SON: variants seen among roughly 807,000 people sequenced by gnomAD.
SON encodes the protein SON DNA and RNA binding protein, also known as protein SON.
Under a neutral mutation model 173.3 loss-of-function variants are expected in SON, and 4 were observed. That is an observed-to-expected ratio of 0.02 (90% CI 0.01 to 0.05). SON has a LOEUF of 0.05. SON is among the 10% of genes least tolerant of loss of function. The pLI is 1.00. For missense variants in SON, 2,626 were observed against 3,055.3 expected (o/e 0.86, Z 3.31); for synonymous variants, 1,190 against 1,105.9 (o/e 1.08, Z -1.51).
chr21:33,549,427 A>C, intron 2 of SON, 49 bp from the exon 3 acceptor site: 1 of 1,438,520 alleles, frequency 7.0e-7, no homozygotes, highest in African/African-American at 1.4e-5. Flanking sequence ...GATTTAATCT[A>C]ACTCTACTTT....
At chr21:33,568,638 C>T (rs2086221425) in intron 7 of SON, among the ~76,000 whole-genome samples, 1 of 152,142 alleles carries the variant, frequency 6.6e-6, no homozygotes, top group Non-Finnish European at 1.5e-5. Context: ...TATTACAATA[C>T]ATTTGTATGA....
Position 33,553,607 on chromosome 21 carries a change from A to T in SON, c.4376A>T (p.Gln1459Leu). The T allele has an allele frequency of 6.2e-7, 1 of 1,613,992 alleles. No individual in the cohort carries two copies. Among genetic ancestry groups the T allele is most frequent in the Non-Finnish European group, 8.5e-7 (1 of 1,179,912 alleles). Residue 1459 changes from glutamine (Q) to leucine (L), a missense_variant, in exon 3 of 12, where the codon CAA becomes CTA. By Grantham distance (113) the Gln-to-Leu change is moderately radical. Around this residue, in one of 13 missense-constraint regions of SON, gnomAD observed 1,006 missense variants for 895.6 expected, o/e 1.12. Transcript: ENST00000356577. The part of the protein sequence containing the change: ...EPAVTVSEQT[Q>L]VIPTEVAIES... ...GCTGTCACAGTCTCAGAGCAGACTC[A>T]AGTAATACCAACTGAGGTGGCTATA... is the stretch of plus-strand genomic sequence containing the variant.
Position 33,553,518 on chromosome 21 carries a change from T to G in SON, c.4287T>G (p.Pro1429=). 6.2e-7 allele frequency: 1 copy of G among 1,614,208 alleles called. No individual in the cohort carries two copies. The highest frequency in any genetic ancestry group is 8.5e-7 in the Non-Finnish European group (1 of 1,180,034). ...AACCAGCGGTGTCAGTCCTTCAACC[T>G]TCTATGATTGTTTCAGAACCATCTG... is the stretch of plus-strand genomic sequence containing the variant. ...VLEPAVSVLQ[P]SMIVSEPSVS... The change falls in exon 3 of 12, where the codon CCT becomes CCG. Residue 1429 remains proline, a synonymous_variant. Transcript: ENST00000356577.
chr21:33,560,607 T>C, intron 6 of SON: 1 of 938,780 alleles, frequency 1.1e-6, no homozygotes, highest in South Asian at 4.9e-5. Flanking sequence ...TGTATCTTTG[T>C]ATGTATCTCT....
At chr21:33,574,322 T>A (rs2086351972) in intron 9 of SON, among the ~76,000 whole-genome samples, 1 of 152,204 alleles carries the variant, frequency 6.6e-6, no homozygotes, top group African/African-American at 2.4e-5. Context: ...TTAAACTGTC[T>A]TAATGAATTT....
In SON at chr21:33,555,200, G is replaced by A. The variant is rs750382142; in HGVS notation, c.5969G>A (p.Arg1990His). 3.8e-6 allele frequency: 6 copies of A among 1,588,396 alleles called. No individual in the cohort carries two copies. In the African/African-American group the frequency reaches 4.1e-5, roughly 11 times the overall value. Residue 1990 changes from arginine (R) to histidine (H), a missense_variant, in exon 3 of 12, where the codon CGT (arginine) becomes CAT (histidine). By Grantham distance (29) the Arg-to-His change is conservative. Around this residue, in one of 13 missense-constraint regions of SON, gnomAD observed 138 missense variants for 222.9 expected, o/e 0.62. Coordinates refer to ENST00000356577, the MANE Select transcript of SON (RefSeq NM_138927.4). Reference sequence around the variant, plus strand: ...AGCCGCCGGAGCCGCACCCCTAGCCGTCGGAGCCGCACCCCAAGCCGCCGG... The same window carrying A: ...AGCCGCCGGAGCCGCACCCCTAGCCATCGGAGCCGCACCCCAAGCCGCCGG... ...TPSRRSRTPS[R>H]RSRTPSRRRR...
At position 33,548,019 on chromosome 21, in the gene SON, G is replaced by A. The variant is rs570557465; in HGVS notation, c.245-1457G>A. Among the ~76,000 whole-genome samples the A allele has an allele frequency of 4.6e-5, 7 of 152,098 alleles. No individual in the cohort carries two copies. The South Asian group carries it at 8.3e-4, about 18-fold the overall frequency. On this transcript the variant is annotated intron_variant, in intron 2 of 11. Coordinates refer to ENST00000356577, the MANE Select transcript of SON (RefSeq NM_138927.4). ...ATTACAGGCGTGAGCCACAGTGCCC[G>A]GCCTTTTTTCTGTAGTCTTAATGGC...
At chr21:33,548,036 C>T (rs1041876072) in intron 2 of SON, among the ~76,000 whole-genome samples, 1 of 152,064 alleles carries the variant, frequency 6.6e-6, no homozygotes, top group African/African-American at 2.4e-5. Context: ...TTTCTGTAGT[C>T]TTAATGGCTC....
Position 33,559,891 on chromosome 21 carries a change from G to A in SON, c.6657+116G>A. On this transcript the variant is annotated intron_variant, in intron 6 of 11. Transcript: ENST00000356577. The surrounding 1 kb of genome is among the most constrained non-coding windows in gnomAD (Gnocchi z 4.1). Reference sequence around the variant, plus strand: ...ACTCTTCTTAGGGCCGGGTTAAACGGCAGGGCCGGGTTAGACGACAGATGA... The same window carrying A: ...ACTCTTCTTAGGGCCGGGTTAAACGACAGGGCCGGGTTAGACGACAGATGA... 1 of 1,607,142 alleles carries A rather than the reference G, an allele frequency of 6.2e-7. No homozygotes were observed. The highest frequency in any genetic ancestry group is 8.5e-7 in the Non-Finnish European group (1 of 1,174,878).
At position 33,554,547 on chromosome 21, in the gene SON, A is replaced by G. The variant is rs776311016; in HGVS notation, c.5316A>G (p.Val1772=). Residue 1772 remains valine (V), a synonymous_variant, in exon 3 of 12, where the codon GTA becomes GTG. Coordinates refer to ENST00000356577, the MANE Select transcript of SON (RefSeq NM_138927.4). ...ACAGATCTGCTGCCAGCCCGGTTGTAAGTAGTATGCCAGAAAGAGCTTCAG... is the reference window on the plus strand; with the variant it reads ...ACAGATCTGCTGCCAGCCCGGTTGTGAGTAGTATGCCAGAAAGAGCTTCAG... ...GRDRSAASPV[V]SSMPERASES... is the part of the protein sequence containing the mutation. The G allele has an allele frequency of 6.2e-6, 10 of 1,613,748 alleles. No individual in the cohort carries two copies. In the Admixed American group the frequency reaches 6.7e-5, roughly 11 times the overall value.
intron 1 of SON, among the ~76,000 whole-genome samples, chr21:33,544,834 AT>A (rs2085577662): frequency 6.6e-6 from 1 of 152,220 alleles, no homozygotes; most frequent in South Asian, 2.1e-4. Flanking sequence ...CAAATTTGTC[AT>A]AATTATGTAT....
At chr21:33,564,991 CAT>C (rs1391558645) in intron 6 of SON, among the ~76,000 whole-genome samples, 3 of 151,428 alleles carry the variant, frequency 2.0e-5, no homozygotes, top group Non-Finnish European at 4.4e-5. Context: ...TCAGGAAAAA[CAT>C]AGTTGTAATT....
chr21:33,556,167 G>A (rs190046307), intron 3 of SON, among the ~76,000 whole-genome samples: 135 of 152,290 alleles, frequency 8.9e-4, no homozygotes, highest in Middle Eastern at 3.4e-3. Context: ...GGGAGAATCT[G>A]CATTCAGTTC....
At position 33,545,170 on chromosome 21, in the gene SON, G is replaced by C. The variant is rs2145799693; in HGVS notation, c.78-1043G>C. Reference sequence around the variant, plus strand: ...TAGTAGCTGTGTGACCTTCAGCTAAGTTTCTTCATTTATAAAAGAATAATA... The same window carrying C: ...TAGTAGCTGTGTGACCTTCAGCTAACTTTCTTCATTTATAAAAGAATAATA... On this transcript the variant is annotated intron_variant, in intron 1 of 11. Transcript: ENST00000356577. Among the ~76,000 whole-genome samples, 2 of 152,250 alleles carry C rather than the reference G, an allele frequency of 1.3e-5. 1 individual carries two copies. Among genetic ancestry groups the C allele is most frequent in the Admixed American group, 1.3e-4 (2 of 15,298 alleles).
rs1001411405 is a variant in SON, at chr21:33,560,060, G to A, written c.6657+285G>A. The stretch of plus-strand genomic sequence containing the variant: ...TGGGCCCTCCCTGCACTTGTGGGAA[G>A]GTAGTCCAAGGTACAACTATTTAGC... On this transcript the variant is annotated intron_variant, in intron 6 of 11. Transcript: ENST00000356577. 3 of 1,614,050 alleles carry A rather than the reference G, an allele frequency of 1.9e-6. No homozygotes were observed. In the African/African-American group the frequency reaches 4.0e-5, roughly 22 times the overall value.
chr21:33,560,554 A>G, intron 6 of SON: 1 of 987,012 alleles, frequency 1.0e-6, no homozygotes, highest in African/African-American at 1.7e-5. Context: ...AGTGCACATG[A>G]AAACAGCAAG....
chr21:33,547,459 G>C (rs2085645907), intron 2 of SON, among the ~76,000 whole-genome samples: 1 of 152,114 alleles, frequency 6.6e-6, no homozygotes. Context: ...AAAAATAACA[G>C]TCATTACCTT....
chr21:33,550,722 A>G lies in SON; in HGVS notation c.1491A>G (p.Val497=). 2 of 1,614,022 alleles carry G rather than the reference A, an allele frequency of 1.2e-6. No individual in the cohort carries two copies. Reference sequence around the variant, plus strand: ...TAGAGTTGCCAGAGCAGCCTGCGGTAACAGTAGCAATGGAGTTGACCGAAC... The same window carrying G: ...TAGAGTTGCCAGAGCAGCCTGCGGTGACAGTAGCAATGGAGTTGACCGAAC... ...AAVELPEQPA[V]TVAMELTEQP... The change falls in exon 3 of 12, where the codon GTA becomes GTG. Residue 497 remains valine (V), a synonymous_variant. Transcript: ENST00000356577.
rs753987979 is a variant in SON, at chr21:33,553,282, G to T, written c.4051G>T (p.Ala1351Ser). ...CATTCTGGAGCCGCCAGCCATGGCT[G>T]CCCCAGAGTCTTCAGCTATGGCTGT... Reference protein sequence around the residue: ...ESILEPPAMAAPESSAMAVLE... With the variant: ...ESILEPPAMASPESSAMAVLE... Residue 1351 changes from alanine to serine, a missense_variant, in exon 3 of 12, where the codon GCC becomes TCC. Physicochemically the swap from Ala to Ser is moderately conservative, Grantham distance 99. Coordinates refer to ENST00000356577, the MANE Select transcript of SON (RefSeq NM_138927.4). The T allele has an allele frequency of 8.7e-6, 14 of 1,614,178 alleles. No individual in the cohort carries two copies. The East Asian group carries it at 2.7e-4, about 31-fold the overall frequency.
Sources: allele counts gnomAD v4.1 joint callset (sites outside exome capture counted in the v4.1 genomes callset), GRCh38; gene constraint gnomAD v4.1.1; regional missense constraint gnomAD v4.1.1; non-coding constraint Gnocchi (gnomAD v3.1); transcripts MANE v1.5; gene names NCBI Gene and HGNC (gene_info 2026-07-23, HGNC 2026-07-21).